The following FOXN3 variants were observed in gnomAD, a reference collection of about 807,000 sequenced individuals.
FOXN3 encodes forkhead box protein N3.
In FOXN3, 7 loss-of-function variants were observed where a neutral mutation model predicts 38.4. That is an observed-to-expected ratio of 0.18 (90% CI 0.10 to 0.34). The LOEUF (loss-of-function observed/expected upper bound fraction) is 0.34, where lower values mean the gene tolerates loss of function less well. FOXN3 is among the 10% of genes least tolerant of loss of function. The probability of loss-of-function intolerance (pLI) is 1.00; values close to 1 mark genes in which losing one functional copy is unlikely to be tolerated. For missense variants in FOXN3, 456 were observed against 613.4 expected (o/e 0.74, Z 2.71); for synonymous variants, 230 against 242.2 (o/e 0.95, Z 0.47).
At chr14:89,481,476 T>A (rs1893328579) in intron 1 of FOXN3, among the ~76,000 whole-genome samples, 1 of 152,078 alleles carries the variant, frequency 6.6e-6, no homozygotes, top group Non-Finnish European at 1.5e-5. Flanking sequence ...TCTACCAGTA[T>A]GTGGTCTGAG....
Position 89,163,435 on chromosome 14 carries a change from A to G in FOXN3, c.852-466T>C, listed in dbSNP as rs1230560716. Among the ~76,000 whole-genome samples, 1 of 152,190 alleles carries G rather than the reference A, an allele frequency of 6.6e-6. No homozygotes were observed. The highest frequency in any genetic ancestry group is 1.5e-5 in the Non-Finnish European group (1 of 68,018). ...TCAGAAGACTAAACCAGTGTTCAGC[A>G]AAGATACCTGCCATGTGGTGACAGC... On this transcript the variant is annotated intron_variant, in intron 5 of 5. Coordinates refer to ENST00000557258, the MANE Select transcript of FOXN3 (RefSeq NM_005197.4). The surrounding 1 kb of genome is among the most constrained non-coding windows in gnomAD (Gnocchi z 4.3).
intron 3 of FOXN3, among the ~76,000 whole-genome samples, chr14:89,329,040 C>T (rs149616263): frequency 1.3e-4 from 20 of 152,294 alleles, no homozygotes; most frequent in African/African-American, 4.8e-4. Flanking sequence ...TGCAAGGCCT[C>T]GGCCTGCCAT....
At chr14:89,611,655 A>C (rs908101796) in intron 1 of FOXN3, among the ~76,000 whole-genome samples, 7 of 152,042 alleles carry the variant, frequency 4.6e-5, no homozygotes, top group African/African-American at 9.7e-5. Flanking sequence ...AAATACAAAA[A>C]ATTAGCCGGG....
rs544556017 is a variant in FOXN3 at position 89,513,095 on chromosome 14, G to A, written c.-14-100605C>T. Among the ~76,000 whole-genome samples the A allele has an allele frequency of 1.0e-4, 15 of 146,810 alleles. No homozygotes were observed. In the East Asian group the frequency reaches 2.2e-3, roughly 21 times the overall value. On this transcript the variant is annotated intron_variant, in intron 1 of 6. Transcript: ENST00000345097. The stretch of plus-strand genomic sequence containing the variant: ...TCAGAGGTTGCAGTGAGCCGAGATC[G>A]CGCCACTGCACTCCAGCACTCCAAC...
intron 1 of FOXN3, among the ~76,000 whole-genome samples, chr14:89,587,933 G>C (rs1351762947): frequency 6.6e-6 from 1 of 151,072 alleles, no homozygotes; most frequent in African/African-American, 2.4e-5. Flanking sequence ...ATAGAGCAAT[G>C]GGCATATGGG....
chr14:89,363,959 T>TATATATATATATATATA (rs1555421696), intron 2 of FOXN3, among the ~76,000 whole-genome samples: 2 of 10,690 alleles, frequency 1.9e-4, no homozygotes, highest in Admixed American at 2.5e-3. Context: ...TATATATATA[T>TATATATATATATATATA]ATATATATAT....
intron 4 of FOXN3, among the ~76,000 whole-genome samples, chr14:89,234,485 C>T (rs1462963185): frequency 6.6e-6 from 1 of 152,080 alleles, no homozygotes; most frequent in Admixed American, 6.6e-5. Context: ...GAGGCGGGGC[C>T]TGGTGGGAGG....
chr14:89,372,294 G>A (rs1168332107), intron 2 of FOXN3, among the ~76,000 whole-genome samples: 1 of 152,032 alleles, frequency 6.6e-6, no homozygotes. Flanking sequence ...AGCACAGTAA[G>A]CTTTGAAACA....
At chr14:89,427,228 C>CAAAAAAAAA (rs1377599085) in intron 1 of FOXN3, among the ~76,000 whole-genome samples, 1 of 44,448 alleles carries the variant, frequency 2.2e-5, no homozygotes, top group Non-Finnish European at 4.2e-5. Context: ...GCCTCTGTCT[C>CAAAAAAAAA]AAAAAAAAAA....
rs1162344314 is a variant in FOXN3, at chr14:89,163,104, C to T, written c.852-135G>A. ...TGTGTTCAATGGAGCCACTCGCAAA[C>T]TGTGGGGGCAACAGGTGGATCTGCT... On this transcript the variant is annotated intron_variant, in intron 5 of 5. Transcript: ENST00000557258. The surrounding 1 kb of genome is among the most constrained non-coding windows in gnomAD (Gnocchi z 4.3). The T allele has an allele frequency of 1.3e-6, 1 of 768,012 alleles. No homozygotes were observed. The highest frequency in any genetic ancestry group is 1.9e-6 in the Non-Finnish European group (1 of 516,720). 47.6% of individuals were successfully genotyped at this position (768,012 alleles called of 1,614,324 possible). A position where few individuals can be genotyped will look rare whatever the true frequency, so the allele number is the denominator to read the frequency against.
At chr14:89,395,091 T>C (rs570649019) in intron 2 of FOXN3, among the ~76,000 whole-genome samples, 2 of 152,364 alleles carry the variant, frequency 1.3e-5, no homozygotes, top group African/African-American at 4.8e-5. Context: ...CTGCCACATC[T>C]AGCTCCTTTG....
chr14:89,291,559 C>A, intron 3 of FOXN3: 3 of 566,076 alleles, frequency 5.3e-6, no homozygotes, highest in Non-Finnish European at 3.5e-6. Context: ...TGACAGCCCA[C>A]TCCAGTCTTT....
intron 4 of FOXN3, among the ~76,000 whole-genome samples, chr14:89,248,088 C>T (rs1885349214): frequency 6.6e-6 from 1 of 152,168 alleles, no homozygotes; most frequent in African/African-American, 2.4e-5. Flanking sequence ...CCTGCTCCAA[C>T]CCCTCTACCT....
chr14:89,412,895 G>A lies in FOXN3; in HGVS notation c.-14-405C>T, dbSNP rs998788346. ...TTCTTCCAGAACAGAAGAAAAGCAA[G>A]TAACTTCAGGTACCACACAGAATAC... On this transcript the variant is annotated intron_variant, in intron 1 of 5. Coordinates refer to ENST00000557258, the MANE Select transcript of FOXN3 (RefSeq NM_005197.4). This position sits in a 1 kb window ranked among gnomAD's most constrained non-coding sequence, Gnocchi z 4.7. 1.3e-5 allele frequency among the ~76,000 whole-genome samples: 2 copies of A among 152,130 alleles called. No homozygotes were observed. Among genetic ancestry groups the A allele is most frequent in the Non-Finnish European group, 2.9e-5 (2 of 68,028 alleles).
chr14:89,264,136 G>C (rs72701609), intron 4 of FOXN3: 41,828 of 152,136 alleles, frequency 0.27, 6,812 homozygotes, highest in South Asian at 0.41. Flanking sequence ...CACCTGAGGA[G>C]CCCCCCTCTT....
Position 89,267,818 on chromosome 14 carries a change from G to A in FOXN3, c.745+13132C>T, listed in dbSNP as rs189804477. Among the ~76,000 whole-genome samples, 4 of 151,956 alleles carry A rather than the reference G, an allele frequency of 2.6e-5. No homozygotes were observed. In the East Asian group the frequency reaches 7.8e-4, roughly 29 times the overall value. The stretch of plus-strand genomic sequence containing the variant: ...ATCAGAGTATGCGTGCGTGTTGGCG[G>A]TGGGGGCCGTGGCAGGGGGTGAACA... On this transcript the variant is annotated intron_variant, in intron 4 of 5. Transcript: ENST00000557258.
intron 2 of FOXN3, among the ~76,000 whole-genome samples, chr14:89,378,358 G>A (rs747311167): frequency 1.3e-5 from 2 of 152,158 alleles, no homozygotes; most frequent in African/African-American, 2.4e-5. Context: ...GCTCTCTCTC[G>A]TGCACCCACA....
intron 4 of FOXN3, among the ~76,000 whole-genome samples, chr14:89,245,400 A>T (rs1885261543): frequency 6.6e-6 from 1 of 152,152 alleles, no homozygotes; most frequent in East Asian, 1.9e-4. Context: ...TCTTTGTTTG[A>T]AAATGAGAAA....
At chr14:89,251,333 C>T (rs1211377652) in intron 4 of FOXN3, among the ~76,000 whole-genome samples, 1 of 152,230 alleles carries the variant, frequency 6.6e-6, no homozygotes, top group Admixed American at 6.5e-5. Context: ...TGCCTAGAAT[C>T]CTTTACCAGT....
Sources: allele counts gnomAD v4.1 joint callset (sites outside exome capture counted in the v4.1 genomes callset), GRCh38; gene constraint gnomAD v4.1.1; non-coding constraint Gnocchi (gnomAD v3.1); transcripts MANE v1.5; gene names NCBI Gene and HGNC (gene_info 2026-07-23, HGNC 2026-07-21).